CTNND2: variants seen among roughly 807,000 people sequenced by gnomAD.
The protein encoded by CTNND2 is catenin delta 2.
Under a neutral mutation model 144.4 loss-of-function variants are expected in CTNND2, and 22 were observed. The observed-to-expected ratio is 0.15, with a 90% CI of 0.11 to 0.22. The LOEUF is 0.22. Ranked by LOEUF, CTNND2 falls within the 10% of genes least tolerant of loss-of-function variation. The pLI, the probability that CTNND2 is intolerant of heterozygous loss-of-function variation, is 1.00. For missense variants in CTNND2, 1,353 were observed against 1,618.8 expected (o/e 0.84, Z 2.82); for synonymous variants, 751 against 695.6 (o/e 1.08, Z -1.25).
At chr5:11,758,728 T>C (rs945493564) in intron 1 of CTNND2, among the ~76,000 whole-genome samples, 1 of 152,082 alleles carries the variant, frequency 6.6e-6, no homozygotes, top group African/African-American at 2.4e-5. Flanking sequence ...AAAAATAATA[T>C]TTAACATTTC....
At chr5:11,555,010 C>T (rs559105613) in intron 3 of CTNND2, among the ~76,000 whole-genome samples, 2 of 151,626 alleles carry the variant, frequency 1.3e-5, no homozygotes, top group East Asian at 1.9e-4. Flanking sequence ...AAGATATAAA[C>T]ATAGAAATAC....
chr5:11,651,445 A>AAATGTGAGGTTGGATCCCCC (rs1198512806), intron 2 of CTNND2, among the ~76,000 whole-genome samples: 3 of 152,116 alleles, frequency 2.0e-5, no homozygotes, highest in Non-Finnish European at 4.4e-5. Flanking sequence ...TGTGGAGGGG[A>AAATGTGAGGTTGGATCCCCC]AATGTGAGGT....
chr5:11,581,554 C>T (rs1359669402), intron 2 of CTNND2, among the ~76,000 whole-genome samples: 1 of 152,180 alleles, frequency 6.6e-6, no homozygotes, highest in Non-Finnish European at 1.5e-5. Flanking sequence ...GATTGTTTTC[C>T]AGCCCCTAGA....
intron 2 of CTNND2, among the ~76,000 whole-genome samples, chr5:11,600,602 A>G (rs1779736511): frequency 6.7e-6 from 1 of 148,970 alleles, no homozygotes; most frequent in African/African-American, 2.5e-5. Flanking sequence ...GCTACTTGGG[A>G]GGCTGAGACA....
chr5:11,855,995 A>G (rs1795233875), intron 1 of CTNND2, among the ~76,000 whole-genome samples: 1 of 152,234 alleles, frequency 6.6e-6, no homozygotes, highest in South Asian at 2.1e-4. Flanking sequence ...GCTTTGAGAA[A>G]GCACTGAATG....
chr5:10,987,977 A>C, intron 20 of CTNND2, 134 bp downstream of exon 20: 1 of 1,124,890 alleles, frequency 8.9e-7, no homozygotes, highest in Non-Finnish European at 1.3e-6. Flanking sequence ...CAAGCTCTCA[A>C]GTGACTGGAC....
chr5:11,163,167 A>C (rs1008461724), intron 11 of CTNND2, among the ~76,000 whole-genome samples: 7 of 152,182 alleles, frequency 4.6e-5, no homozygotes, highest in African/African-American at 1.7e-4. Flanking sequence ...TGACCAATGA[A>C]ACATGGTGGA....
intron 3 of CTNND2, among the ~76,000 whole-genome samples, chr5:11,546,295 T>A (rs558679315): frequency 9.6e-4 from 145 of 151,428 alleles, no homozygotes; most frequent in African/African-American, 3.4e-3. Context: ...AAAGCCTTTT[T>A]TTTCTAAAAA....
chr5:11,567,825 A>G (rs1381654415), intron 2 of CTNND2, among the ~76,000 whole-genome samples: 1 of 152,130 alleles, frequency 6.6e-6, no homozygotes, highest in Non-Finnish European at 1.5e-5. Flanking sequence ...AATCTGGGTC[A>G]TATCTTCTGC....
chr5:11,868,763 C>T (rs955376456), intron 1 of CTNND2, among the ~76,000 whole-genome samples: 1 of 152,120 alleles, frequency 6.6e-6, no homozygotes, highest in Admixed American at 6.5e-5. Context: ...CCTGAGCTAG[C>T]GTGCTCAGCC....
At position 11,585,227 on chromosome 5, in the gene CTNND2, C is replaced by T. The variant is rs905559505; in HGVS notation, c.175-20171G>A. On this transcript the variant is annotated intron_variant, in intron 2 of 21. Transcript: ENST00000304623. Reference sequence around the variant, plus strand: ...GAAATACTCAGGTCTTACTCTGCTCCGATGCAGAGTAAGAAGGGTGTTGGA... The same window carrying T: ...GAAATACTCAGGTCTTACTCTGCTCTGATGCAGAGTAAGAAGGGTGTTGGA... Among the ~76,000 whole-genome samples the T allele has an allele frequency of 5.9e-5, 9 of 152,002 alleles. 1 individual carries two copies. Among genetic ancestry groups the T allele is most frequent in the Admixed American group, 5.2e-4 (8 of 15,254 alleles).
chr5:11,347,442 AT>A (rs1303495651), intron 8 of CTNND2, among the ~76,000 whole-genome samples: 1 of 152,208 alleles, frequency 6.6e-6, no homozygotes, highest in East Asian at 1.9e-4. Context: ...TTGAAACTGA[AT>A]TTCAATTTTT....
Position 11,903,115 on chromosome 5 carries a change from C to G in CTNND2, c.37+702G>C, listed in dbSNP as rs1443986898. On this transcript the variant is annotated intron_variant, in intron 1 of 21. Coordinates refer to ENST00000304623, the MANE Select transcript of CTNND2 (RefSeq NM_001332.4). This position sits in a 1 kb window ranked among gnomAD's most constrained non-coding sequence, Gnocchi z 5.4. ...CAGCTTCGCTTTCAGCCATTAATTA[C>G]GGATCACCCCAATTTTGCATCGCTC... 7.1e-6 allele frequency: 6 copies of G among 842,956 alleles called. No homozygotes were observed. The Admixed American group carries it at 3.7e-4, about 52-fold the overall frequency. 52.2% of individuals were successfully genotyped at this position (842,956 alleles called of 1,614,324 possible). A position where few individuals can be genotyped will look rare whatever the true frequency, so the allele number is the denominator to read the frequency against.
At chr5:11,852,630 T>C (rs1451815865) in intron 1 of CTNND2, among the ~76,000 whole-genome samples, 3 of 152,204 alleles carry the variant, frequency 2.0e-5, no homozygotes, top group Non-Finnish European at 2.9e-5. Context: ...AGATACTGTA[T>C]ACTTACATTG....
At chr5:11,331,824 A>T (rs984762920) in intron 9 of CTNND2, among the ~76,000 whole-genome samples, 7 of 152,186 alleles carry the variant, frequency 4.6e-5, no homozygotes, top group African/African-American at 1.7e-4. Context: ...AAAATTACAG[A>T]TAAGAGGAAT....
intron 2 of CTNND2, among the ~76,000 whole-genome samples, chr5:11,596,226 G>C (rs1483670142): frequency 1.3e-5 from 2 of 152,158 alleles, no homozygotes; most frequent in African/African-American, 4.8e-5. Flanking sequence ...TGACTACTAA[G>C]AATACTGCAT....
In CTNND2 at chr5:11,384,969, G is replaced by GGTGGCGCCCTCGGGGGCC; in HGVS notation, c.855_872dup (p.Ala286_Thr291dup). 12 of 1,551,060 alleles carry GGTGGCGCCCTCGGGGGCC rather than the reference G, an allele frequency of 7.7e-6. No individual in the cohort carries two copies. Among genetic ancestry groups the GGTGGCGCCCTCGGGGGCC allele is most frequent in the Non-Finnish European group, 1.0e-5 (12 of 1,153,018 alleles). On this transcript the variant is annotated inframe_insertion, in exon 7 of 22. Coordinates refer to ENST00000304623, the MANE Select transcript of CTNND2 (RefSeq NM_001332.4). The surrounding 1 kb of genome is among the most constrained non-coding windows in gnomAD (Gnocchi z 5.2). ...GCGAGGAGCCGCGCGGCGCGGCGTAGGTGGCGCCCTCGGGGGCCGAGCCGC... is the reference window on the plus strand; with the variant it reads ...GCGAGGAGCCGCGCGGCGCGGCGTAGGTGGCGCCCTCGGGGGCCGTGGCGCCCTCGGGGGCCGAGCCGC...
intron 10 of CTNND2, among the ~76,000 whole-genome samples, chr5:11,228,299 C>T (rs1029946484): frequency 2.4e-4 from 32 of 135,346 alleles, no homozygotes; most frequent in African/African-American, 8.1e-4. Context: ...GAGCCAATAT[C>T]GTGCCACTGC....
At chr5:11,431,270 A>C (rs903184811) in intron 3 of CTNND2, among the ~76,000 whole-genome samples, 1 of 152,208 alleles carries the variant, frequency 6.6e-6, no homozygotes, top group African/African-American at 2.4e-5. Flanking sequence ...CATTAAGTCC[A>C]TAGAGGTCAG....
Sources: allele counts gnomAD v4.1 joint callset (sites outside exome capture counted in the v4.1 genomes callset), GRCh38; gene constraint gnomAD v4.1.1; non-coding constraint Gnocchi (gnomAD v3.1); transcripts MANE v1.5; gene names NCBI Gene and HGNC (gene_info 2026-07-23, HGNC 2026-07-21).